SLC35D1: variants seen among roughly 807,000 people sequenced by gnomAD.
SLC35D1 encodes the protein solute carrier family 35 member D1, also known as nucleotide sugar transporter SLC35D1.
In SLC35D1, 31 loss-of-function variants were observed where a neutral mutation model predicts 46.7. That is an observed-to-expected ratio of 0.66 (90% confidence interval 0.50 to 0.90). The LOEUF (loss-of-function observed/expected upper bound fraction) is 0.90, where lower values mean the gene tolerates loss of function less well. Among genes scored for constraint, SLC35D1 ranks in the 40% least tolerant of loss-of-function variants. The probability of loss-of-function intolerance (pLI) is 0.00; values close to 1 mark genes in which losing one functional copy is unlikely to be tolerated. For synonymous variants in SLC35D1, 195 were observed against 164.6 expected (o/e 1.18, Z -1.41); for missense variants, 397 against 426.2 (o/e 0.93, Z 0.60).
At chr1:66,976,826 T>G in the SLC35D1 span, 3 of 1,013,008 alleles carry the variant, frequency 3.0e-6, no homozygotes, top group Non-Finnish European at 2.7e-6. Flanking sequence ...TTTATATACT[T>G]GATCTTAACC....
chr1:67,031,547 C>G (rs575407418), intron 8 of SLC35D1, among the ~76,000 whole-genome samples: 1 of 151,638 alleles, frequency 6.6e-6, no homozygotes, highest in Non-Finnish European at 1.5e-5. Context: ...TCTGTACTGC[C>G]GCAAAAAAAA....
chr1:67,011,910 T>G (rs1667573674), intron 10 of SLC35D1, among the ~76,000 whole-genome samples: 2 of 142,836 alleles, frequency 1.4e-5, no homozygotes, highest in Non-Finnish European at 3.0e-5. Flanking sequence ...TTCCCCAAAA[T>G]AGTCTTTTCC....
In SLC35D1 at chr1:67,042,372, A is replaced by AG. The variant is rs1645199461; in HGVS notation, c.637-45dup. 2.2e-5 allele frequency: 34 copies of AG among 1,531,376 alleles called. No individual in the cohort carries two copies. In the East Asian group the frequency reaches 7.7e-4, roughly 35 times the overall value. 94.9% of individuals were successfully genotyped at this position (1,531,376 alleles called of 1,614,324 possible). A position where few individuals can be genotyped will look rare whatever the true frequency, so the allele number is the denominator to read the frequency against. Reference sequence around the variant, plus strand: ...AGGTGTTTCATCTGCGTTTTGTTCTAGCAGATACAACACTGTACAAAATAC... The same window carrying AG: ...AGGTGTTTCATCTGCGTTTTGTTCTAGGCAGATACAACACTGTACAAAATAC... On this transcript the variant is annotated intron_variant, in intron 7 of 11. Transcript: ENST00000235345.
At chr1:66,989,347 T>G in the SLC35D1 span, among the ~76,000 whole-genome samples, 2 of 152,206 alleles carry the variant, frequency 1.3e-5, no homozygotes, top group Non-Finnish European at 2.9e-5. Flanking sequence ...GCTGGCTGTG[T>G]TGTTCTGCAC....
the SLC35D1 span, chr1:66,981,678 A>C: frequency 3.6e-6 from 3 of 841,254 alleles, no homozygotes; most frequent in Non-Finnish European, 5.6e-6. Flanking sequence ...TGTTAAGTGA[A>C]TATTAGGATA....
intron 8 of SLC35D1, among the ~76,000 whole-genome samples, chr1:67,022,564 T>C (rs1667831239): frequency 6.6e-6 from 1 of 152,178 alleles, no homozygotes; most frequent in Admixed American, 6.5e-5. Flanking sequence ...CTAGAGCTCT[T>C]GTCTCTTCGA....
chr1:67,007,185 A>G (rs1428296369), intron 11 of SLC35D1, among the ~76,000 whole-genome samples: 1 of 152,220 alleles, frequency 6.6e-6, no homozygotes, highest in Non-Finnish European at 1.5e-5. Flanking sequence ...GGGTTGCTAT[A>G]ACAAAATACC....
intron 8 of SLC35D1, among the ~76,000 whole-genome samples, chr1:67,022,133 G>GT (rs1316320690): frequency 1.3e-5 from 2 of 152,114 alleles, no homozygotes; most frequent in African/African-American, 4.8e-5. Context: ...AAGGTATTTT[G>GT]TGTTGTTGTT....
chr1:67,040,713 G>A (rs533018940), intron 8 of SLC35D1, among the ~76,000 whole-genome samples: 123 of 152,268 alleles, frequency 8.1e-4, no homozygotes, highest in Admixed American at 1.2e-3. Context: ...TCAGGACTTG[G>A]AACCTGCTCT....
intron 8 of SLC35D1, among the ~76,000 whole-genome samples, chr1:67,037,983 C>G (rs17129627): frequency 0.12 from 17,548 of 152,148 alleles, 2,460 homozygotes; most frequent in African/African-American, 0.34. Context: ...CACATTCCAG[C>G]TTGCCAAGTA....
At chr1:67,043,827 A>G (rs1351269441) in intron 7 of SLC35D1, among the ~76,000 whole-genome samples, 3 of 152,194 alleles carry the variant, frequency 2.0e-5, no homozygotes, top group Non-Finnish European at 4.4e-5. Context: ...CCTTTGATTC[A>G]CACACTTCTG....
chr1:66,989,683 T>C, the SLC35D1 span, among the ~76,000 whole-genome samples: 5 of 152,198 alleles, frequency 3.3e-5, no homozygotes, highest in African/African-American at 7.2e-5. Context: ...CCGGCCACTC[T>C]GGAAATCCTG....
chr1:67,007,829 T>G (rs547646287), intron 11 of SLC35D1, among the ~76,000 whole-genome samples: 65 of 152,316 alleles, frequency 4.3e-4, no homozygotes, highest in Admixed American at 2.4e-3. Flanking sequence ...TACCAAATGA[T>G]TCTAAATCAG....
At chr1:66,995,427 C>T (rs1270664798), downstream of SLC35D1, among the ~76,000 whole-genome samples, 4 of 81,080 alleles carry the variant, frequency 4.9e-5, no homozygotes, top group Admixed American at 2.0e-4. Context: ...TTCTGCCCTG[C>T]TACGCTAAAA....
In SLC35D1 at chr1:67,004,314, A is replaced by G. The variant is rs1343228286; in HGVS notation, c.*26T>C. 6.9e-6 allele frequency: 11 copies of G among 1,597,028 alleles called. No individual in the cohort carries two copies. Among genetic ancestry groups the G allele is most frequent in the Non-Finnish European group, 9.4e-6 (11 of 1,164,668 alleles). ...CTGAGTTGATTAAAAACTTAGGCCTACGTATCAGATGAAGCAATCCTCTGG... is the reference window on the plus strand; with the variant it reads ...CTGAGTTGATTAAAAACTTAGGCCTGCGTATCAGATGAAGCAATCCTCTGG... On this transcript the variant is annotated 3_prime_UTR_variant, in exon 12 of 12. Coordinates refer to ENST00000235345, the MANE Select transcript of SLC35D1 (RefSeq NM_015139.3).
chr1:67,041,998 T>C (rs984500428), intron 8 of SLC35D1, among the ~76,000 whole-genome samples: 4 of 152,222 alleles, frequency 2.6e-5, no homozygotes, highest in Non-Finnish European at 5.9e-5. Flanking sequence ...AAAAAGACAC[T>C]AGCTGGCAAG....
At chr1:66,994,267 C>T in the SLC35D1 span, among the ~76,000 whole-genome samples, 3 of 152,148 alleles carry the variant, frequency 2.0e-5, no homozygotes, top group Non-Finnish European at 4.4e-5. Context: ...TCACTATTAG[C>T]GCTGCAGCAC....
the SLC35D1 span, chr1:66,976,701 A>G: frequency 1.9e-6 from 3 of 1,605,546 alleles, no homozygotes; most frequent in Admixed American, 5.1e-5. Flanking sequence ...AAGAAGAAAT[A>G]TAATCTTCAT....
intron 1 of SLC35D1, among the ~76,000 whole-genome samples, 198 bp from the exon 2 acceptor site, chr1:67,053,187 CG>C (rs1645329481): frequency 6.6e-6 from 1 of 152,074 alleles, no homozygotes; most frequent in Admixed American, 6.5e-5. Context: ...TAGCCTCGGG[CG>C]GCCGCTTGTC....
Sources: gnomAD v4.1 joint callset for allele counts (sites outside exome capture counted in the v4.1 genomes callset) on GRCh38, gnomAD v4.1.1 for gene constraint, MANE v1.5 for transcripts, NCBI Gene and HGNC (gene_info 2026-07-23, HGNC 2026-07-21) for gene names.